The following INPP4A variants were observed in gnomAD, a reference collection of about 807,000 sequenced individuals.
INPP4A encodes the protein inositol polyphosphate-4-phosphatase, type I, 107kD.
A neutral mutation model predicts 119.8 loss-of-function variants in INPP4A; 33 were observed. The ratio of observed to expected loss-of-function variants is 0.28; its 90% CI spans 0.21 to 0.37. The LOEUF is 0.37. INPP4A is among the 10% of genes least tolerant of loss of function. The pLI is 1.00. For synonymous variants in INPP4A, 496 were observed against 500.7 expected, an observed-to-expected ratio of 0.99 and a Z score of 0.12; for missense variants, 956 against 1,289.9, an observed-to-expected ratio of 0.74 and a Z score of 3.97.
rs1164737122 is a variant in INPP4A, at chr2:98,520,204, C to T, written c.106+50C>T. On this transcript the variant is annotated intron_variant, in intron 3 of 24. Transcript: ENST00000409851. ...GGCTCCAGGTATGAGCTCACAGCAC[C>T]TGGGCTCCACACTGCAGCAGTGCTG... The T allele has an allele frequency of 4.5e-6, 6 of 1,342,988 alleles. No homozygotes were observed. The African/African-American group carries it at 7.2e-5, about 16-fold the overall frequency. 83.2% of individuals were successfully genotyped at this position (1,342,988 alleles called of 1,614,324 possible).
chr2:98,553,770 G>A (rs1016762809), intron 14 of INPP4A, among the ~76,000 whole-genome samples: 12 of 152,346 alleles, frequency 7.9e-5, no homozygotes, highest in African/African-American at 2.4e-4. Context: ...CACAGAACCC[G>A]TGTTGCATGC....
chr2:98,537,696 C>T (rs1289268535), intron 7 of INPP4A, among the ~76,000 whole-genome samples, 167 bp from the exon 8 acceptor site: 1 of 152,182 alleles, frequency 6.6e-6, no homozygotes, highest in African/African-American at 2.4e-5. Context: ...TTGTCTGTCT[C>T]GCCTGAGAGG....
At chr2:98,493,057 G>A (rs1681172647) in intron 1 of INPP4A, among the ~76,000 whole-genome samples, 1 of 152,184 alleles carries the variant, frequency 6.6e-6, no homozygotes, top group Non-Finnish European at 1.5e-5. Context: ...AGGTGGACGT[G>A]GTTGGCTGGT....
At position 98,552,624 on chromosome 2, in the gene INPP4A, C is replaced by T. The variant is rs576921991; in HGVS notation, c.1164-162C>T. 29 of 747,154 alleles carry T rather than the reference C, an allele frequency of 3.9e-5. No homozygotes were observed. The African/African-American group carries it at 4.1e-4, about 11-fold the overall frequency. 46.3% of individuals were successfully genotyped at this position (747,154 alleles called of 1,614,324 possible). On this transcript the variant is annotated intron_variant, in intron 13 of 24. Coordinates refer to ENST00000409851, the MANE Select transcript of INPP4A (RefSeq NM_001134225.2). ...CTGCCATATAGACAGGAAGAATCTC[C>T]TAAGATATACTTTGCTCATCAACAA...
rs117398624 is a variant in INPP4A at position 98,517,029 on chromosome 2, A to G, written c.-165-1935A>G. On this transcript the variant is annotated intron_variant, in intron 1 of 24. Transcript: ENST00000409851. ...GTGTACAGCTCAGTGAATTTCACAC[A>G]GTAAAGTCTGTGTGTAACCCGCACC... 2.4e-4 allele frequency among the ~76,000 whole-genome samples: 37 copies of G among 152,260 alleles called. No homozygotes were observed. The East Asian group carries it at 6.8e-3, about 28-fold the overall frequency.
chr2:98,467,244 G>A (rs1003564697), intron 1 of INPP4A, among the ~76,000 whole-genome samples: 1 of 152,184 alleles, frequency 6.6e-6, no homozygotes, highest in Admixed American at 6.5e-5. Context: ...GGGCATTAAT[G>A]TATACATGAG....
At chr2:98,488,688 C>G (rs1184908459) in intron 1 of INPP4A, among the ~76,000 whole-genome samples, 1 of 152,154 alleles carries the variant, frequency 6.6e-6, no homozygotes, top group African/African-American at 2.4e-5. Context: ...AGGAAAAAAC[C>G]AGAGGGGAAA....
chr2:98,543,423 C>T (rs530863021), intron 10 of INPP4A, among the ~76,000 whole-genome samples: 44 of 152,226 alleles, frequency 2.9e-4, no homozygotes, highest in African/African-American at 9.1e-4. Flanking sequence ...GGGGAGATGA[C>T]GAGGCAAGCA....
intron 1 of INPP4A, among the ~76,000 whole-genome samples, chr2:98,464,880 A>C (rs188715364): frequency 6.6e-6 from 1 of 152,338 alleles, no homozygotes; most frequent in African/African-American, 2.4e-5. Context: ...GACAGAATCA[A>C]CTGAGACGAT....
At chr2:98,565,175 C>G (rs186518717) in intron 19 of INPP4A, among the ~76,000 whole-genome samples, 6 of 152,104 alleles carry the variant, frequency 3.9e-5, no homozygotes, top group Non-Finnish European at 4.4e-5. Context: ...TTCTTCCTAC[C>G]CTTGTTTATT....
In INPP4A at chr2:98,539,540, C is replaced by A. The variant is rs575955599; in HGVS notation, c.683C>A (p.Ala228Asp). The A allele has an allele frequency of 6.2e-7, 1 of 1,608,414 alleles. No individual in the cohort carries two copies. The highest frequency in any genetic ancestry group is 1.1e-5 in the South Asian group (1 of 90,482). The change falls in exon 10 of 25, where the codon GCC becomes GAC. Residue 228 changes from alanine (A) to aspartate (D), a missense_variant. By Grantham distance (126) the Ala-to-Asp change is moderately radical. Coordinates refer to ENST00000409851, the MANE Select transcript of INPP4A (RefSeq NM_001134225.2). ...DTLLKSVFGG[A>D]ICRMYRFPTT... ...CATCCCACCTCAGTGTTCGGTGGTGCCATCTGCCGCATGTACCGGTTTCCA... is the reference window on the plus strand; with the variant it reads ...CATCCCACCTCAGTGTTCGGTGGTGACATCTGCCGCATGTACCGGTTTCCA...
At chr2:98,523,616 G>A (rs1469770058) in intron 4 of INPP4A, among the ~76,000 whole-genome samples, 2 of 151,966 alleles carry the variant, frequency 1.3e-5, no homozygotes, top group African/African-American at 2.4e-5. Flanking sequence ...GGATGGTCTC[G>A]ATCTCCTGAC....
At chr2:98,452,686 G>C (rs983267391) in intron 1 of INPP4A, among the ~76,000 whole-genome samples, 4 of 152,024 alleles carry the variant, frequency 2.6e-5, no homozygotes, top group Admixed American at 2.0e-4. Flanking sequence ...AAGTTTCTCA[G>C]CCCCCTTGCC....
chr2:98,458,346 G>GA (rs887321138), intron 1 of INPP4A, among the ~76,000 whole-genome samples: 15 of 148,934 alleles, frequency 1.0e-4, no homozygotes, highest in South Asian at 2.1e-4. Flanking sequence ...CTCTGCCTCA[G>GA]AAAAAAAAAA....
intron 1 of INPP4A, among the ~76,000 whole-genome samples, chr2:98,452,795 C>G (rs561248406): frequency 3.9e-5 from 6 of 152,336 alleles, no homozygotes; most frequent in Admixed American, 2.0e-4. Context: ...CCAGGTCCCT[C>G]TCTGGCCTAG....
At chr2:98,557,378 A>G (rs1202209891) in intron 16 of INPP4A, among the ~76,000 whole-genome samples, 1 of 152,210 alleles carries the variant, frequency 6.6e-6, no homozygotes, top group African/African-American at 2.4e-5. Context: ...CTTAATTTAA[A>G]CATCTTTAGC....
At chr2:98,567,135 G>A (rs544915299) in intron 21 of INPP4A, among the ~76,000 whole-genome samples, 2 of 152,170 alleles carry the variant, frequency 1.3e-5, no homozygotes, top group South Asian at 2.1e-4. Context: ...GGCACGTGCC[G>A]GGAGGAGATG....
intron 1 of INPP4A, among the ~76,000 whole-genome samples, chr2:98,508,844 TC>T (rs1042218800): frequency 8.6e-5 from 13 of 151,952 alleles, no homozygotes; most frequent in African/African-American, 3.2e-4. Context: ...TGTACAGTGT[TC>T]CTGTTGTCTT....
chr2:98,499,592 C>T (rs1449886915), intron 1 of INPP4A, among the ~76,000 whole-genome samples: 2 of 152,194 alleles, frequency 1.3e-5, no homozygotes. Context: ...TATTTTCTCC[C>T]TTTATTCTAA....
Sources: allele counts gnomAD v4.1 joint callset (sites outside exome capture counted in the v4.1 genomes callset), GRCh38; gene constraint gnomAD v4.1.1; transcripts MANE v1.5; gene names NCBI Gene and HGNC (gene_info 2026-07-23, HGNC 2026-07-21).